Variants in ODF2 observed in about 807,000 individuals in gnomAD.
ODF2 encodes outer dense fiber protein 2.
Under a neutral mutation model 110.2 loss-of-function variants are expected in ODF2, and 47 were observed. That is an observed-to-expected ratio of 0.43 (90% CI 0.34 to 0.54). ODF2 has a LOEUF of 0.54. Among genes scored for constraint, ODF2 ranks in the 20% least tolerant of loss-of-function variants. The pLI is 0.03. For missense variants in ODF2, 812 were observed against 1,054.5 expected (o/e 0.77, Z 3.19); for synonymous variants, 352 against 397.7 (o/e 0.89, Z 1.37).
At chr9:128,497,449 ATATAT>A (rs1845825909) in intron 18 of ODF2, 12 of 52,126 alleles carry the variant, frequency 2.3e-4, no homozygotes, top group East Asian at 1.4e-3. Flanking sequence ...AAAAAAAAAT[ATATAT>A]ATATATATAT....
At chr9:128,470,052 A>T (rs1367005660) in intron 5 of ODF2, among the ~76,000 whole-genome samples, 33 of 97,612 alleles carry the variant, frequency 3.4e-4, no homozygotes, top group South Asian at 1.0e-3. Flanking sequence ...TATATAAATA[A>T]AAAAATTAAC....
Position 128,494,759 on chromosome 9 carries a change from T to G in ODF2, c.1911+91T>G. ...TGCACGCCCCCCAAGGGAGGACTAC[T>G]TCCTTTTTCTTGGCTGCTGCTTTTT... On this transcript the variant is annotated intron_variant, in intron 17 of 20. Coordinates refer to ENST00000604420, the Ensembl canonical transcript of ODF2. This position sits in a 1 kb window ranked among gnomAD's most constrained non-coding sequence, Gnocchi z 4.6. The G allele has an allele frequency of 6.2e-7, 1 of 1,609,936 alleles. No individual in the cohort carries two copies. Among genetic ancestry groups the G allele is most frequent in the Non-Finnish European group, 8.5e-7 (1 of 1,178,256 alleles).
chr9:128,499,061 G>T, exon 20 of ODF2: 1 of 1,614,172 alleles, frequency 6.2e-7, no homozygotes, highest in South Asian at 1.1e-5. Flanking sequence ...CAAAATCCTG[G>T]ACCTTGAGAC....
chr9:128,480,481 T>C (rs1264339062), intron 8 of ODF2, among the ~76,000 whole-genome samples: 1 of 152,250 alleles, frequency 6.6e-6, no homozygotes, highest in African/African-American at 2.4e-5. Context: ...CTGTACACTT[T>C]AAATGGTGTT....
chr9:128,497,449 AT>A (rs1564533062), intron 18 of ODF2: 137 of 52,104 alleles, frequency 2.6e-3, no homozygotes, highest in Non-Finnish European at 3.3e-3. Context: ...AAAAAAAAAT[AT>A]ATATATATAT....
chr9:128,492,839 C>G, intron 16 of ODF2, 34 bp downstream of exon 16: 1 of 1,548,748 alleles, frequency 6.5e-7, no homozygotes, highest in Non-Finnish European at 8.9e-7. Context: ...CTTCTCCTAC[C>G]CAATTCCATA....
At chr9:128,481,760 G>T in intron 9 of ODF2, 109 bp downstream of exon 9, 2 of 797,596 alleles carry the variant, frequency 2.5e-6, no homozygotes, top group South Asian at 3.3e-5. Flanking sequence ...GGAGCATTTC[G>T]CTAGGTCTTA....
At chr9:128,491,660 T>C (rs1455084923) in intron 14 of ODF2, among the ~76,000 whole-genome samples, 1 of 150,960 alleles carries the variant, frequency 6.6e-6, no homozygotes, top group African/African-American at 2.4e-5. Context: ...CGAGACTCCA[T>C]CTCAAAAAAA....
intron 4 of ODF2, among the ~76,000 whole-genome samples, chr9:128,466,422 G>A (rs1250190030): frequency 6.6e-6 from 1 of 150,470 alleles, no homozygotes; most frequent in Non-Finnish European, 1.5e-5. Context: ...AACCAAAGTT[G>A]TGCTACTGCA....
At position 128,468,202 on chromosome 9, in the gene ODF2, C is replaced by A. The variant is rs1838797922; in HGVS notation, c.250-981C>A. ...TTCTACAATACCTTTTCAGCAGATTCATCTACCTTTGTAACTAATCCACTA... is the reference window on the plus strand; with the variant it reads ...TTCTACAATACCTTTTCAGCAGATTAATCTACCTTTGTAACTAATCCACTA... On this transcript the variant is annotated intron_variant, in intron 4 of 20. Transcript: ENST00000604420. Among the ~76,000 whole-genome samples the A allele has an allele frequency of 3.3e-5, 5 of 152,256 alleles. No homozygotes were observed. The South Asian group carries it at 8.3e-4, about 25-fold the overall frequency.
Position 128,473,761 on chromosome 9 carries a change from C to G in ODF2, c.843+20C>G, listed in dbSNP as rs998326605. 1.9e-6 allele frequency: 3 copies of G among 1,609,754 alleles called. No homozygotes were observed. The highest frequency in any genetic ancestry group is 2.5e-6 in the Non-Finnish European group (3 of 1,177,082). On this transcript the variant is annotated intron_variant, in intron 8 of 20. Transcript: ENST00000604420. ...AAAGAGGTGAGCTTGGGGCCTGGCT[C>G]TTTCCCTCCAGCTCTGCATGCCCAT...
chr9:128,469,547 C>T, intron 5 of ODF2, 194 bp downstream of exon 5: 5 of 605,858 alleles, frequency 8.3e-6, no homozygotes, highest in South Asian at 5.9e-5. Context: ...AACAAGGGCC[C>T]TCTCTATTGA....
chr9:128,496,283 G>A, intron 18 of ODF2, 142 bp downstream of exon 18: 1 of 1,511,324 alleles, frequency 6.6e-7, no homozygotes, highest in Non-Finnish European at 8.8e-7. Flanking sequence ...AGGAAAAGCT[G>A]CTTCCATTTC....
rs116881652 is a variant in ODF2 at position 128,464,486 on chromosome 9, G to A, written c.249+3419G>A. 9.6e-3 allele frequency among the ~76,000 whole-genome samples: 1,448 copies of A among 151,536 alleles called. 30 individuals are homozygous for A. Among genetic ancestry groups the A allele is most frequent in the East Asian group, 0.072 (370 of 5,144 alleles). On this transcript the variant is annotated intron_variant, in intron 4 of 20. Coordinates refer to ENST00000604420, the Ensembl canonical transcript of ODF2. The stretch of plus-strand genomic sequence containing the variant: ...GCCTTTTAAAAAAATAAAAAGCCTT[G>A]GTAGTTTGGGTTTTTTTGTTTTTGT...
intron 3 of ODF2, among the ~76,000 whole-genome samples, chr9:128,459,915 GAAAAGA>G (rs1312514086): frequency 2.0e-5 from 3 of 151,868 alleles, no homozygotes; most frequent in Non-Finnish European, 4.4e-5. Flanking sequence ...TAAAATAAAG[GAAAAGA>G]AAAAGAAGAG....
At chr9:128,466,490 G>A (rs1837945407) in intron 4 of ODF2, among the ~76,000 whole-genome samples, 1 of 149,628 alleles carries the variant, frequency 6.7e-6, no homozygotes, top group Admixed American at 6.7e-5. Context: ...ATGGAAAAGT[G>A]CAGGGATGTA....
At chr9:128,478,392 A>T (rs1588881700) in intron 8 of ODF2, among the ~76,000 whole-genome samples, 1 of 152,206 alleles carries the variant, frequency 6.6e-6, no homozygotes, top group Non-Finnish European at 1.5e-5. Context: ...GAGCTCAGGA[A>T]TTTGAGACCA....
intron 1 of ODF2, chr9:128,456,537 TTCTC>T (rs980882211): frequency 5.6e-5 from 85 of 1,526,702 alleles, no homozygotes; most frequent in Non-Finnish European, 6.9e-5. Context: ...GGCTTCACCT[TTCTC>T]TCTATGGGCA....
At chr9:128,490,042 C>T (rs1844219975) in intron 14 of ODF2, among the ~76,000 whole-genome samples, 2 of 152,214 alleles carry the variant, frequency 1.3e-5, no homozygotes, top group East Asian at 1.9e-4. Flanking sequence ...ATAACATGCA[C>T]GTCTTAACAG....
Sources: allele counts gnomAD v4.1 joint callset (sites outside exome capture counted in the v4.1 genomes callset), GRCh38; gene constraint gnomAD v4.1.1; non-coding constraint Gnocchi (gnomAD v3.1); transcripts MANE v1.5; gene names NCBI Gene and HGNC (gene_info 2026-07-23, HGNC 2026-07-21).